The following XKR9 variants were observed in gnomAD, a reference collection of about 807,000 sequenced individuals.
The protein encoded by XKR9 is XK related 9.
A neutral mutation model predicts 32.0 loss-of-function variants in XKR9; 32 were observed. The ratio of observed to expected loss-of-function variants is 1.00; its 90% CI spans 0.76 to 1.34. XKR9 has a LOEUF of 1.34. Ranked by LOEUF, XKR9 falls within the 40% of genes most tolerant of loss-of-function variation. XKR9 has a pLI of 0.00. For synonymous variants in XKR9, 168 were observed against 143.4 expected, an observed-to-expected ratio of 1.17 and a Z score of -1.22; for missense variants, 546 against 429.7, an observed-to-expected ratio of 1.27 and a Z score of -2.39.
chr8:70,793,032 T>C (rs1807784072), downstream of XKR9, among the ~76,000 whole-genome samples: 1 of 152,182 alleles, frequency 6.6e-6, no homozygotes. Flanking sequence ...CTTACACTTA[T>C]GTTTTCTTCT....
the XKR9 span, among the ~76,000 whole-genome samples, chr8:70,795,571 A>G: frequency 6.6e-6 from 1 of 152,168 alleles, no homozygotes. Context: ...GTCTTCCATA[A>G]TGGTTGAACT....
the XKR9 span, among the ~76,000 whole-genome samples, chr8:70,856,094 A>G: frequency 3.3e-5 from 5 of 152,216 alleles, no homozygotes; most frequent in Non-Finnish European, 7.3e-5. Context: ...ACCAGCTAAC[A>G]TCATAATGAC....
the XKR9 span, among the ~76,000 whole-genome samples, chr8:70,981,932 G>A: frequency 6.6e-6 from 1 of 152,214 alleles, no homozygotes; most frequent in African/African-American, 2.4e-5. Context: ...GCCACCCAGT[G>A]GAGCTACTAG....
chr8:70,879,857 G>T, the XKR9 span, among the ~76,000 whole-genome samples: 3 of 152,070 alleles, frequency 2.0e-5, no homozygotes, highest in South Asian at 4.2e-4. Flanking sequence ...CCTGATGAAC[G>T]TTGATGCGAA....
At chr8:70,850,767 T>C in the XKR9 span, among the ~76,000 whole-genome samples, 2 of 152,178 alleles carry the variant, frequency 1.3e-5, no homozygotes, top group Non-Finnish European at 2.9e-5. Context: ...AAACAAGGTA[T>C]TGATGGAACG....
At chr8:70,889,970 G>C in the XKR9 span, among the ~76,000 whole-genome samples, 1 of 152,004 alleles carries the variant, frequency 6.6e-6, no homozygotes, top group Admixed American at 6.6e-5. Flanking sequence ...TGGTAGTTCT[G>C]TTTTAAGTTC....
At chr8:70,775,568 A>G (rs1327064500) in intron 2 of XKR9, among the ~76,000 whole-genome samples, 1 of 152,136 alleles carries the variant, frequency 6.6e-6, no homozygotes, top group African/African-American at 2.4e-5. Flanking sequence ...ATGCTCTGAT[A>G]TCTTTTTAAT....
chr8:70,966,755 A>C, the XKR9 span, among the ~76,000 whole-genome samples: 1 of 152,132 alleles, frequency 6.6e-6, no homozygotes, highest in Non-Finnish European at 1.5e-5. Flanking sequence ...TGGGAGTCTA[A>C]GTCTCTTTGT....
At chr8:70,845,255 A>C in the XKR9 span, among the ~76,000 whole-genome samples, 1 of 152,228 alleles carries the variant, frequency 6.6e-6, no homozygotes, top group Non-Finnish European at 1.5e-5. Flanking sequence ...TGTCCTACCC[A>C]ACCAACACTA....
the XKR9 span, among the ~76,000 whole-genome samples, chr8:70,943,263 C>T: frequency 6.6e-6 from 1 of 151,916 alleles, no homozygotes; most frequent in Non-Finnish European, 1.5e-5. Context: ...TTTGGTTTTC[C>T]AAATCCATGA....
At chr8:70,957,959 T>C in the XKR9 span, among the ~76,000 whole-genome samples, 1 of 151,898 alleles carries the variant, frequency 6.6e-6, no homozygotes, top group Non-Finnish European at 1.5e-5. Flanking sequence ...GGCTACCTTT[T>C]GTATCTTTAG....
At chr8:70,878,641 C>A in the XKR9 span, among the ~76,000 whole-genome samples, 1 of 152,048 alleles carries the variant, frequency 6.6e-6, no homozygotes, top group Admixed American at 6.6e-5. Context: ...ACAGGAGCAC[C>A]CAGATTCATA....
At chr8:70,696,029 GT>G (rs1227257420) in intron 3 of XKR9, among the ~76,000 whole-genome samples, 220 of 146,272 alleles carry the variant, frequency 1.5e-3, no homozygotes, top group Middle Eastern at 3.5e-3. Flanking sequence ...TGATGGGGTT[GT>G]TTTTTTTTTT....
chr8:70,878,468 A>G, the XKR9 span, among the ~76,000 whole-genome samples: 1 of 152,178 alleles, frequency 6.6e-6, no homozygotes, highest in South Asian at 2.1e-4. Context: ...AGATCTACCA[A>G]GCAAATGGAA....
chr8:70,690,267 C>T (rs548185973), intron 3 of XKR9, among the ~76,000 whole-genome samples: 23 of 152,092 alleles, frequency 1.5e-4, no homozygotes, highest in Admixed American at 2.6e-4. Context: ...CACCCTCCCC[C>T]TCAAGTAGAT....
At chr8:70,920,129 A>G in the XKR9 span, among the ~76,000 whole-genome samples, 1 of 152,130 alleles carries the variant, frequency 6.6e-6, no homozygotes, top group Non-Finnish European at 1.5e-5. Flanking sequence ...GAGAATCAAT[A>G]TAAGATTATC....
At chr8:70,967,531 A>G in the XKR9 span, among the ~76,000 whole-genome samples, 1 of 152,068 alleles carries the variant, frequency 6.6e-6, no homozygotes, top group Non-Finnish European at 1.5e-5. Flanking sequence ...TCATAGTGTC[A>G]CTGGTCTGTG....
the XKR9 span, among the ~76,000 whole-genome samples, chr8:71,024,736 C>A: frequency 6.6e-6 from 1 of 152,180 alleles, no homozygotes; most frequent in Non-Finnish European, 1.5e-5. Context: ...CTCTCACTTT[C>A]CCCACACTGG....
At chr8:70,797,241 GA>G in the XKR9 span, among the ~76,000 whole-genome samples, 1 of 152,210 alleles carries the variant, frequency 6.6e-6, no homozygotes, top group Non-Finnish European at 1.5e-5. Flanking sequence ...TTTAGGTGGA[GA>G]GGTAGTGTGG....
Sources: gnomAD v4.1 joint callset for allele counts (sites outside exome capture counted in the v4.1 genomes callset) on GRCh38, gnomAD v4.1.1 for gene constraint, MANE v1.5 for transcripts, NCBI Gene and HGNC (gene_info 2026-07-23, HGNC 2026-07-21) for gene names.